The following TBC1D1 variants were observed in gnomAD, a reference collection of about 807,000 sequenced individuals.
TBC1D1 encodes the protein TBC1 (tre-2/USP6, BUB2, cdc16) domain family, member 1.
In TBC1D1, 89 loss-of-function variants were observed where a neutral mutation model predicts 125.6. The ratio of observed to expected loss-of-function variants is 0.71; its 90% CI spans 0.60 to 0.85. TBC1D1 has a LOEUF of 0.85. TBC1D1 is among the 40% of genes least tolerant of loss of function. TBC1D1 has a pLI of 0.00. For missense variants in TBC1D1, 1,377 were observed against 1,469.2 expected (o/e 0.94, Z 1.03); for synonymous variants, 565 against 564.1 (o/e 1.00, Z -0.02).
chr4:37,995,563 T>A lies in TBC1D1; in HGVS notation c.418-18946T>A, dbSNP rs1278520494. 4 of 416,686 alleles carry A rather than the reference T, an allele frequency of 9.6e-6. No homozygotes were observed. Among genetic ancestry groups the A allele is most frequent in the East Asian group, 6.1e-5 (1 of 16,304 alleles). 25.8% of individuals were successfully genotyped at this position (416,686 alleles called of 1,614,324 possible). ...CTCCAGGTTGGTGCTGATGATATGA[T>A]AAAGCTCAGCACAGAAGGCCTTCAG... On this transcript the variant is annotated intron_variant, in intron 2 of 19. Transcript: ENST00000261439. The surrounding 1 kb of genome is among the most constrained non-coding windows in gnomAD (Gnocchi z 4.3).
At chr4:37,920,982 T>C (rs1332548235) in intron 2 of TBC1D1, among the ~76,000 whole-genome samples, 10 of 151,510 alleles carry the variant, frequency 6.6e-5, no homozygotes, top group East Asian at 3.9e-4. Context: ...TGGTGGCGGG[T>C]GCCTGTAGTC....
intron 6 of TBC1D1, among the ~76,000 whole-genome samples, 197 bp downstream of exon 6, chr4:38,021,915 T>A (rs905547715): frequency 6.6e-6 from 1 of 152,180 alleles, no homozygotes; most frequent in Non-Finnish European, 1.5e-5. Context: ...GATACAAAGA[T>A]AAGAACCCAG....
At chr4:38,096,240 T>C (rs1258481484) in intron 14 of TBC1D1, 150 bp downstream of exon 16, 2 of 570,122 alleles carry the variant, frequency 3.5e-6, no homozygotes, top group African/African-American at 1.9e-5. Context: ...CCTTACTTAA[T>C]AGACATGAGT....
At chr4:37,980,948 CTT>C (rs58830277) in intron 2 of TBC1D1, among the ~76,000 whole-genome samples, 6 of 146,710 alleles carry the variant, frequency 4.1e-5, no homozygotes, top group Admixed American at 1.4e-4. Flanking sequence ...AAAAAGGAAT[CTT>C]TTTTTTTTTT....
intron 12 of TBC1D1, among the ~76,000 whole-genome samples, chr4:38,063,024 A>G (rs867176390): frequency 1.3e-5 from 2 of 152,188 alleles, no homozygotes; most frequent in East Asian, 1.9e-4. Context: ...GGGCTGGTCT[A>G]ACTCTAGAGT....
chr4:37,892,250 C>T (rs565373879), intron 1 of TBC1D1, among the ~76,000 whole-genome samples: 2 of 152,262 alleles, frequency 1.3e-5, no homozygotes, highest in South Asian at 2.1e-4. Flanking sequence ...CAAGTTCAAA[C>T]TTCTAAACTT....
intron 1 of TBC1D1, among the ~76,000 whole-genome samples, chr4:37,895,862 T>C (rs573294372): frequency 1.4e-4 from 21 of 152,180 alleles, no homozygotes; most frequent in Admixed American, 4.6e-4. Context: ...TGAAACAGCC[T>C]CTACTCCAAG....
chr4:37,980,107 G>A (rs1048602812), intron 2 of TBC1D1, among the ~76,000 whole-genome samples: 2 of 152,212 alleles, frequency 1.3e-5, no homozygotes, highest in Non-Finnish European at 2.9e-5. Context: ...CTTGCACGAT[G>A]CATTAGTATT....
intron 2 of TBC1D1, among the ~76,000 whole-genome samples, chr4:37,927,870 C>T (rs1225208771): frequency 1.1e-4 from 16 of 152,158 alleles, no homozygotes; most frequent in African/African-American, 3.9e-4. Flanking sequence ...CTGTGAATAG[C>T]CACCGCACTC....
rs62299981 is a variant in TBC1D1, at chr4:38,062,246, C to A, written c.2050+7908C>A. On this transcript the variant is annotated intron_variant, in intron 12 of 19. Transcript: ENST00000261439. Reference sequence around the variant, plus strand: ...GCATCTTGATTGCCCTTGTTTCTTTCCAATCCCGGAAAAGTGTGCTTGTTT... The same window carrying A: ...GCATCTTGATTGCCCTTGTTTCTTTACAATCCCGGAAAAGTGTGCTTGTTT... 4.9e-3 allele frequency among the ~76,000 whole-genome samples: 743 copies of A among 151,956 alleles called. 4 individuals are homozygous for A. The highest frequency in any genetic ancestry group is 7.4e-3 in the Non-Finnish European group (500 of 67,962).
intron 2 of TBC1D1, among the ~76,000 whole-genome samples, chr4:37,919,112 A>G (rs551216694): frequency 6.6e-6 from 1 of 150,710 alleles, no homozygotes; most frequent in African/African-American, 2.4e-5. Flanking sequence ...CTGGAAATGT[A>G]CAGTTTGAAA....
chr4:38,066,479 G>A (rs963515735), intron 12 of TBC1D1, among the ~76,000 whole-genome samples: 14 of 152,130 alleles, frequency 9.2e-5, no homozygotes, highest in South Asian at 6.2e-4. Context: ...CCACAGGTGC[G>A]CATCACCACG....
intron 2 of TBC1D1, among the ~76,000 whole-genome samples, chr4:37,989,585 T>G (rs1736138317): frequency 6.6e-6 from 1 of 152,272 alleles, no homozygotes; most frequent in Non-Finnish European, 1.5e-5. Context: ...TTCTTTTTGC[T>G]GACACTAATA....
At chr4:37,902,587 T>C in intron 2 of TBC1D1, 75 bp downstream of exon 2, 1 of 1,175,834 alleles carries the variant, frequency 8.5e-7, no homozygotes, top group Non-Finnish European at 1.2e-6. Flanking sequence ...GGATATTTAT[T>C]TTAAGTATAC....
intron 2 of TBC1D1, among the ~76,000 whole-genome samples, chr4:37,925,194 G>A (rs1452578946): frequency 2.0e-5 from 3 of 152,156 alleles, no homozygotes; most frequent in Admixed American, 6.5e-5. Flanking sequence ...CCGTGAATTC[G>A]AAGAAAGTGC....
intron 6 of TBC1D1, among the ~76,000 whole-genome samples, chr4:38,023,938 G>C (rs534027140): frequency 1.3e-4 from 20 of 152,228 alleles, no homozygotes; most frequent in African/African-American, 4.8e-4. Flanking sequence ...CACTGGCAGT[G>C]GGTAAGGACC....
chr4:38,072,905 A>G (rs1754946250), intron 12 of TBC1D1, among the ~76,000 whole-genome samples: 1 of 152,178 alleles, frequency 6.6e-6, no homozygotes. Flanking sequence ...GCTTAGCATA[A>G]TGTCCTCAAG....
At chr4:37,943,194 C>A (rs1439247326) in intron 2 of TBC1D1, among the ~76,000 whole-genome samples, 1 of 152,214 alleles carries the variant, frequency 6.6e-6, no homozygotes, top group African/African-American at 2.4e-5. Flanking sequence ...GGAGTTTCTG[C>A]CGAGAGATCT....
At chr4:37,947,316 C>T (rs1726911687) in intron 2 of TBC1D1, among the ~76,000 whole-genome samples, 1 of 152,130 alleles carries the variant, frequency 6.6e-6, no homozygotes. Context: ...GCCACCATGC[C>T]AGGCTAATTT....
Sources: gnomAD v4.1 joint callset for allele counts (sites outside exome capture counted in the v4.1 genomes callset) on GRCh38, gnomAD v4.1.1 for gene constraint, Gnocchi (gnomAD v3.1) non-coding constraint, MANE v1.5 for transcripts, NCBI Gene and HGNC (gene_info 2026-07-23, HGNC 2026-07-21) for gene names.